Variants in CDH18 observed in about 807,000 individuals in gnomAD.
CDH18 encodes cadherin 18.
CDH18 carries 31 observed loss-of-function variants against 67.9 expected under a neutral mutation model. The observed-to-expected ratio is 0.46, with a 90% CI of 0.34 to 0.62. The LOEUF is 0.62. Among genes scored for constraint, CDH18 ranks in the 20% least tolerant of loss-of-function variants. The probability of loss-of-function intolerance (pLI) is 0.01; values close to 1 mark genes in which losing one functional copy is unlikely to be tolerated. For missense variants in CDH18, 890 were observed against 975.5 expected (o/e 0.91, Z 1.17); for synonymous variants, 362 against 347.2 (o/e 1.04, Z -0.48).
chr5:20,111,513 CCCTCCCTCCCTCCCTT>C, intron 2 of CDH18, among the ~76,000 whole-genome samples: 1 of 121,666 alleles, frequency 8.2e-6, no homozygotes, highest in Non-Finnish European at 1.8e-5. Flanking sequence ...TTCCTTCCCT[CCCTCCCTCCCTCCCTT>C]CCTTCCTTCC....
At chr5:19,958,379 CAAA>C (rs57913629) in intron 2 of CDH18, among the ~76,000 whole-genome samples, 5 of 66,634 alleles carry the variant, frequency 7.5e-5, no homozygotes, top group South Asian at 7.5e-4. Flanking sequence ...TTTCCTTCAC[CAAA>C]AAAAAAAAAA....
chr5:20,444,148 CAT>C (rs1320134063), intron 1 of CDH18, among the ~76,000 whole-genome samples: 1 of 149,848 alleles, frequency 6.7e-6, no homozygotes, highest in Non-Finnish European at 1.5e-5. Flanking sequence ...GTATTATAGT[CAT>C]GTGAGGAGTT....
At chr5:19,955,603 C>A (rs544083188) in intron 2 of CDH18, among the ~76,000 whole-genome samples, 1 of 151,962 alleles carries the variant, frequency 6.6e-6, no homozygotes, top group African/African-American at 2.4e-5. Flanking sequence ...CCCAGGCAAA[C>A]TTAAAAACAA....
intron 2 of CDH18, among the ~76,000 whole-genome samples, chr5:19,865,629 C>G (rs1785397364): frequency 1.3e-5 from 2 of 152,032 alleles, no homozygotes; most frequent in Admixed American, 1.3e-4. Flanking sequence ...CAGGACCACC[C>G]AGGTGCTTAA....
intron 2 of CDH18, among the ~76,000 whole-genome samples, chr5:19,907,675 T>C (rs1790679004): frequency 6.6e-6 from 1 of 152,028 alleles, no homozygotes; most frequent in Non-Finnish European, 1.5e-5. Context: ...ATAAATATAT[T>C]TTTACTGACT....
At chr5:19,846,559 C>A (rs777560073) in intron 2 of CDH18, among the ~76,000 whole-genome samples, 1 of 152,026 alleles carries the variant, frequency 6.6e-6, no homozygotes, top group Non-Finnish European at 1.5e-5. Context: ...CGTTTTTCAG[C>A]CCATTGTGGA....
intron 10 of CDH18, among the ~76,000 whole-genome samples, chr5:19,510,164 T>C (rs1744896144): frequency 6.6e-6 from 1 of 152,162 alleles, no homozygotes; most frequent in Admixed American, 6.6e-5. Flanking sequence ...TTTCGCCAAT[T>C]GTTGTTTAAA....
chr5:20,257,354 T>C (rs1176317374), intron 1 of CDH18, among the ~76,000 whole-genome samples: 2 of 152,246 alleles, frequency 1.3e-5, no homozygotes, highest in East Asian at 3.9e-4. Flanking sequence ...TTCTACTCTA[T>C]GGAAAATCAT....
At chr5:19,495,807 T>C (rs1742232774) in intron 11 of CDH18, among the ~76,000 whole-genome samples, 1 of 138,384 alleles carries the variant, frequency 7.2e-6, no homozygotes, top group African/African-American at 2.8e-5. Context: ...GTGAGATAAA[T>C]AGAGGAGTTA....
At chr5:19,859,517 A>G (rs185880294) in intron 2 of CDH18, among the ~76,000 whole-genome samples, 305 of 152,266 alleles carry the variant, frequency 2.0e-3, no homozygotes, top group African/African-American at 7.1e-3. Context: ...GATCTAGGAG[A>G]GAATTAACTA....
intron 2 of CDH18, among the ~76,000 whole-genome samples, chr5:20,172,359 T>A (rs1040028696): frequency 2.7e-5 from 4 of 150,372 alleles, no homozygotes; most frequent in African/African-American, 9.8e-5. Context: ...CCTGTTCCAC[T>A]ATAATTGTTA....
chr5:20,085,646 G>A (rs1164455668), intron 2 of CDH18, among the ~76,000 whole-genome samples: 3 of 152,168 alleles, frequency 2.0e-5, no homozygotes, highest in African/African-American at 7.2e-5. Flanking sequence ...CATGGCTGGG[G>A]AAGCCTCACA....
intron 2 of CDH18, among the ~76,000 whole-genome samples, chr5:19,916,143 C>T (rs1405035491): frequency 6.6e-6 from 1 of 152,084 alleles, no homozygotes; most frequent in Non-Finnish European, 1.5e-5. Context: ...GATCCTTTCA[C>T]CAGAAATCAG....
chr5:20,534,756 C>A (rs926169328), intron 1 of CDH18, among the ~76,000 whole-genome samples: 1 of 151,762 alleles, frequency 6.6e-6, no homozygotes, highest in Non-Finnish European at 1.5e-5. Context: ...ATTAATGAAA[C>A]CTGAACATCA....
chr5:20,273,787 C>T (rs1745609233), intron 1 of CDH18, among the ~76,000 whole-genome samples: 1 of 152,084 alleles, frequency 6.6e-6, no homozygotes, highest in African/African-American at 2.4e-5. Context: ...ATAGCAATAA[C>T]ATCAAACCTA....
chr5:20,130,417 T>C (rs1054902281), intron 2 of CDH18, among the ~76,000 whole-genome samples: 3 of 122,742 alleles, frequency 2.4e-5, no homozygotes, highest in African/African-American at 5.7e-5. Context: ...TTTTTTTTTT[T>C]CACTTACGAC....
At chr5:19,734,172 GA>G (rs1767989269) in intron 4 of CDH18, among the ~76,000 whole-genome samples, 1 of 151,902 alleles carries the variant, frequency 6.6e-6, no homozygotes, top group African/African-American at 2.4e-5. Context: ...CCAAAAAAAT[GA>G]AACAAAAAAA....
In CDH18 at chr5:20,356,831, CTATATACACACATA is replaced by C. The variant is rs1373206853; in HGVS notation, c.-579-101340_-579-101327del. On this transcript the variant is annotated intron_variant, in intron 1 of 14. Transcript: ENST00000507958. ...TATATGTATATATACACATATATAC[CTATATACACACATA>C]TATATACACACACATACATATATAC... Among the ~76,000 whole-genome samples the C allele has an allele frequency of 3.3e-4, 46 of 138,638 alleles. 1 individual carries two copies. Among genetic ancestry groups the C allele is most frequent in the African/African-American group, 1.1e-3 (43 of 37,734 alleles). The allele number at this position is 138,638 out of a possible 152,430, so 91.0% of individuals were successfully genotyped here. A position where few individuals can be genotyped will look rare whatever the true frequency, so the allele number is the denominator to read the frequency against.
At position 19,965,830 on chromosome 5, in the gene CDH18, C is replaced by A. The variant is rs182291723; in HGVS notation, c.-257+15230G>T. Among the ~76,000 whole-genome samples, 47 of 152,092 alleles carry A rather than the reference C, an allele frequency of 3.1e-4. No homozygotes were observed. In the Middle Eastern group the frequency reaches 0.01, roughly 33 times the overall value. ...TTGTGGGAACAAAAGTGCAACTGGA[C>A]AGAGGACAGGATTTCCTAGTGTATT... On this transcript the variant is annotated intron_variant, in intron 2 of 12. Transcript: ENST00000382275.
Sources: gnomAD v4.1 joint callset for allele counts (sites outside exome capture counted in the v4.1 genomes callset) on GRCh38, gnomAD v4.1.1 for gene constraint, MANE v1.5 for transcripts, NCBI Gene and HGNC (gene_info 2026-07-23, HGNC 2026-07-21) for gene names.